The following COL21A1 variants were observed in gnomAD, a reference collection of about 807,000 sequenced individuals.
The protein encoded by COL21A1 is collagen type XXI alpha 1 chain, also known as collagen alpha-1(XXI) chain.
COL21A1 carries 149 observed loss-of-function variants against 137.9 expected under a neutral mutation model. The ratio of observed to expected loss-of-function variants is 1.08; its 90% CI spans 0.95 to 1.24. The LOEUF (loss-of-function observed/expected upper bound fraction) is 1.24, where lower values mean the gene tolerates loss of function less well. COL21A1 is among the 50% of genes most tolerant of loss of function. The pLI, the probability that COL21A1 is intolerant of heterozygous loss-of-function variation, is 0.00. For synonymous variants in COL21A1, 456 were observed against 391.5 expected (o/e 1.16, Z -1.95); for missense variants, 1,167 against 1,158.4 (o/e 1.01, Z -0.11).
chr6:56,296,747 A>G (rs1444005957), intron 1 of COL21A1, among the ~76,000 whole-genome samples: 1 of 152,004 alleles, frequency 6.6e-6, no homozygotes, highest in Admixed American at 6.6e-5. Flanking sequence ...TATAATACTA[A>G]CCACCAACAT....
intron 1 of COL21A1, among the ~76,000 whole-genome samples, chr6:56,389,598 A>G (rs2094025204): frequency 6.6e-6 from 1 of 152,198 alleles, no homozygotes; most frequent in Non-Finnish European, 1.5e-5. Context: ...ATATAACACC[A>G]AGTGGATTCA....
At position 56,179,686 on chromosome 6, in the gene COL21A1, C is replaced by T. The variant is rs181443791; in HGVS notation, c.532G>A (p.Glu178Lys). Residue 178 changes from glutamate (E) to lysine (K), a missense_variant, in exon 3 of 30, where the codon GAA becomes AAA. Physicochemically the swap from Glu to Lys is moderately conservative, Grantham distance 56. Coordinates refer to ENST00000244728, the MANE Select transcript of COL21A1 (RefSeq NM_030820.4). ...GGCTTGTTGGCAATAGCTCTAAGTTCGGCATCTTCTGTTTCTGAACCAACA... is the reference window on the plus strand; with the variant it reads ...GGCTTGTTGGCAATAGCTCTAAGTTTGGCATCTTCTGTTTCTGAACCAACA... ...IGVGSETEDA[E>K]LRAIANKPSS... The T allele has an allele frequency of 9.3e-6, 15 of 1,613,828 alleles. No individual in the cohort carries two copies. In the East Asian group the frequency reaches 1.3e-4, roughly 14 times the overall value.
chr6:56,249,055 A>T (rs1015538978), upstream of COL21A1, among the ~76,000 whole-genome samples: 1 of 152,244 alleles, frequency 6.6e-6, no homozygotes, highest in Non-Finnish European at 1.5e-5. Flanking sequence ...AGACAGTTTT[A>T]AAATGCACAA....
chr6:56,310,911 T>A (rs576214841), intron 1 of COL21A1, among the ~76,000 whole-genome samples: 182 of 152,298 alleles, frequency 1.2e-3, no homozygotes, highest in African/African-American at 3.8e-3. Flanking sequence ...TCTATTTGAC[T>A]ATTTGACCCA....
intron 16 of COL21A1, among the ~76,000 whole-genome samples, chr6:56,103,485 T>G (rs1269076482): frequency 6.6e-6 from 1 of 152,200 alleles, no homozygotes; most frequent in Non-Finnish European, 1.5e-5. Context: ...CCATTAAAAG[T>G]AATGGCAAAA....
intron 1 of COL21A1, among the ~76,000 whole-genome samples, chr6:56,297,269 C>T (rs1226104880): frequency 1.6e-4 from 24 of 152,008 alleles, no homozygotes. Flanking sequence ...TTCTATATTC[C>T]CTGTCCTTTG....
At chr6:56,393,950 C>A (rs2094035046) in intron 1 of COL21A1, 1 of 152,272 alleles carries the variant, frequency 6.6e-6, no homozygotes, top group Non-Finnish European at 1.5e-5. Context: ...CCGTATGAAC[C>A]GAAGCCATTC....
At chr6:56,377,063 C>T (rs113120012) in intron 1 of COL21A1, among the ~76,000 whole-genome samples, 11 of 151,818 alleles carry the variant, frequency 7.2e-5, no homozygotes, top group African/African-American at 2.4e-4. Context: ...CTGCAACCTC[C>T]ACCTGCCAGG....
intron 1 of COL21A1, among the ~76,000 whole-genome samples, chr6:56,384,188 C>T (rs1320581312): frequency 6.6e-6 from 1 of 152,118 alleles, no homozygotes; most frequent in Admixed American, 6.6e-5. Flanking sequence ...TAGCCAAGCC[C>T]AGAGTGCTTC....
chr6:56,216,327 T>C (rs183219236), intron 1 of COL21A1, among the ~76,000 whole-genome samples: 42 of 152,194 alleles, frequency 2.8e-4, no homozygotes, highest in Non-Finnish European at 1.2e-4. Context: ...GATAATTTAT[T>C]TTTAGGAAAT....
At chr6:56,181,304 A>T (rs138582865) in intron 2 of COL21A1, among the ~76,000 whole-genome samples, 1 of 152,262 alleles carries the variant, frequency 6.6e-6, no homozygotes, top group East Asian at 1.9e-4. Flanking sequence ...AAACTTCCTA[A>T]CCCAAGGGAA....
Position 56,080,377 on chromosome 6 carries a change from A to T in COL21A1, c.1813-2804T>A, listed in dbSNP as rs1767643490. Among the ~76,000 whole-genome samples, 3 of 151,750 alleles carry T rather than the reference A, an allele frequency of 2.0e-5. No individual in the cohort carries two copies. The South Asian group carries it at 6.2e-4, about 31-fold the overall frequency. Reference sequence around the variant, plus strand: ...TCCTGCATAATGTTGTGGTTAAAGAATGTTGACACAAAAAATTGTTCTAGA... The same window carrying T: ...TCCTGCATAATGTTGTGGTTAAAGATTGTTGACACAAAAAATTGTTCTAGA... On this transcript the variant is annotated intron_variant, in intron 17 of 29. Coordinates refer to ENST00000244728, the MANE Select transcript of COL21A1 (RefSeq NM_030820.4).
intron 1 of COL21A1, among the ~76,000 whole-genome samples, chr6:56,279,685 G>A (rs536642327): frequency 1.4e-3 from 216 of 152,330 alleles, no homozygotes; most frequent in African/African-American, 5.1e-3. Context: ...CAAGTGAGGT[G>A]CTTAAATGAG....
At chr6:56,326,909 C>T (rs1329401005) in intron 1 of COL21A1, among the ~76,000 whole-genome samples, 1 of 152,008 alleles carries the variant, frequency 6.6e-6, no homozygotes, top group Non-Finnish European at 1.5e-5. Context: ...AAAGTTACTT[C>T]CACTGGATAG....
intron 1 of COL21A1, among the ~76,000 whole-genome samples, chr6:56,341,236 T>C (rs546148962): frequency 6.6e-6 from 1 of 152,294 alleles, no homozygotes; most frequent in South Asian, 2.1e-4. Flanking sequence ...TGATAATACA[T>C]TTGTGGGAAA....
At chr6:56,176,511 A>G (rs4715584) in intron 3 of COL21A1, among the ~76,000 whole-genome samples, 85,943 of 151,352 alleles carry the variant, frequency 0.57, 24,699 homozygotes, top group East Asian at 0.79. Context: ...GTATATGAAA[A>G]ATGTCCAACA....
Position 56,179,820 on chromosome 6 carries a change from C to A in COL21A1, c.398G>T (p.Arg133Leu). The change falls in exon 3 of 30, where the codon CGA (arginine) becomes CTA (leucine). Residue 133 changes from arginine to leucine, a missense_variant. By Grantham distance (102) the Arg-to-Leu change is moderately radical. Transcript: ENST00000244728. Reference sequence around the variant, plus strand: ...TACCACTGCTATCTTAGTCAGAAATCGTGAGGACTTGGCAAAAAGGTAATC... The same window carrying A: ...TACCACTGCTATCTTAGTCAGAAATAGTGAGGACTTGGCAAAAAGGTAATC... ...ALDYLFAKSS[R>L]FLTKIAVVLT... 6.2e-7 allele frequency: 1 copy of A among 1,613,982 alleles called. No individual in the cohort carries two copies. The highest frequency in any genetic ancestry group is 8.5e-7 in the Non-Finnish European group (1 of 1,179,878).
intron 16 of COL21A1, among the ~76,000 whole-genome samples, chr6:56,101,805 T>C (rs1770485095): frequency 6.6e-6 from 1 of 152,184 alleles, no homozygotes; most frequent in South Asian, 2.1e-4. Flanking sequence ...ATAGACCATC[T>C]TACTTCCAAG....
intron 17 of COL21A1, among the ~76,000 whole-genome samples, chr6:56,085,090 C>G (rs1487402646): frequency 6.6e-6 from 1 of 151,994 alleles, no homozygotes; most frequent in Non-Finnish European, 1.5e-5. Flanking sequence ...TCCCAGGCAC[C>G]ATTTCCCCCA....
Sources: allele counts gnomAD v4.1 joint callset (sites outside exome capture counted in the v4.1 genomes callset), GRCh38; gene constraint gnomAD v4.1.1; transcripts MANE v1.5; gene names NCBI Gene and HGNC (gene_info 2026-07-23, HGNC 2026-07-21).